Variants in OBI1 observed in about 807,000 individuals in gnomAD.
The protein encoded by OBI1 is ORC ubiquitin ligase 1, also known as ring finger protein 219.
A neutral mutation model predicts 62.4 loss-of-function variants in OBI1; 59 were observed. That is an observed-to-expected ratio of 0.95 (90% CI 0.77 to 1.17). The LOEUF (loss-of-function observed/expected upper bound fraction) is 1.17, where lower values mean the gene tolerates loss of function less well. Ranked by LOEUF, OBI1 falls within the 50% of genes most tolerant of loss-of-function variation. The pLI is 0.00. For missense variants in OBI1, 875 were observed against 830.9 expected (o/e 1.05, Z -0.65); for synonymous variants, 302 against 292.8 (o/e 1.03, Z -0.32).
At chr13:78,645,551 A>C (rs919390168) in intron 1 of OBI1, among the ~76,000 whole-genome samples, 5 of 152,192 alleles carry the variant, frequency 3.3e-5, no homozygotes, top group Non-Finnish European at 5.9e-5. Context: ...TTTATAATCT[A>C]AACAGCAAAC....
intron 1 of OBI1, among the ~76,000 whole-genome samples, chr13:78,657,434 T>C (rs1342717737): frequency 6.7e-6 from 1 of 148,700 alleles, no homozygotes; most frequent in Admixed American, 7.0e-5. Flanking sequence ...CAAATGATAG[T>C]ATAGAGGTTC....
Position 78,639,025 on chromosome 13 carries a change from T to C in OBI1, c.347A>G (p.Lys116Arg). The C allele has an allele frequency of 6.2e-7, 1 of 1,613,892 alleles. No individual in the cohort carries two copies. Among genetic ancestry groups the C allele is most frequent in the Non-Finnish European group, 8.5e-7 (1 of 1,179,878 alleles). Residue 116 changes from lysine to arginine, a missense_variant, in exon 4 of 6, where the codon AAA becomes AGA. Lys to Arg is a conservative substitution (Grantham distance 26, BLOSUM62 2). Coordinates refer to ENST00000282003, the MANE Select transcript of OBI1 (RefSeq NM_024546.4). ...LQKEVEELKSKNLSLESQIKT... is the reference protein window; with the variant it reads ...LQKEVEELKSRNLSLESQIKT... Reference sequence around the variant, plus strand: ...GATCTGTGACTCCAAGCTGAGATTTTTACTCTTAAGCTCTTCTACTTCTTT... The same window carrying C: ...GATCTGTGACTCCAAGCTGAGATTTCTACTCTTAAGCTCTTCTACTTCTTT...
Position 78,615,368 on chromosome 13 carries a change from C to G in OBI1, c.*212G>C. 2.5e-6 allele frequency: 1 copy of G among 395,934 alleles called. No homozygotes were observed. The highest frequency in any genetic ancestry group is 4.1e-5 in the Admixed American group (1 of 24,322). 24.5% of individuals were successfully genotyped at this position (395,934 alleles called of 1,614,324 possible). On this transcript the variant is annotated 3_prime_UTR_variant, in exon 6 of 6. Transcript: ENST00000282003. ...ACCTCCTCCCTAACTTCTCTGGTCA[C>G]AAAGACTCCCAAATAAAAATGAAAA...
intron 4 of OBI1, 135 bp downstream of exon 4, chr13:78,638,688 T>C (rs908652197): frequency 7.8e-5 from 61 of 785,490 alleles, no homozygotes; most frequent in Non-Finnish European, 1.1e-4. Context: ...TTATTGCATA[T>C]AAATGCTCAT....
At chr13:78,638,755 C>T (rs1382479084) in intron 4 of OBI1, 68 bp downstream of exon 4, 2 of 1,360,450 alleles carry the variant, frequency 1.5e-6, no homozygotes, top group Non-Finnish European at 2.0e-6. Flanking sequence ...GATAATATGG[C>T]TATTTATGCT....
intron 5 of OBI1, 149 bp downstream of exon 5, chr13:78,634,961 C>T (rs984006508): frequency 1.2e-5 from 6 of 498,668 alleles, no homozygotes; most frequent in Non-Finnish European, 2.1e-5. Context: ...ACCAACAACA[C>T]GAAGTATAAA....
At chr13:78,625,638 C>G (rs1875643532) in intron 5 of OBI1, among the ~76,000 whole-genome samples, 1 of 152,188 alleles carries the variant, frequency 6.6e-6, no homozygotes, top group Non-Finnish European at 1.5e-5. Flanking sequence ...GACAAACTGA[C>G]AGAAAACTGC....
chr13:78,646,991 G>C (rs1380567244), intron 1 of OBI1, among the ~76,000 whole-genome samples: 2 of 152,228 alleles, frequency 1.3e-5, no homozygotes, highest in African/African-American at 4.8e-5. Flanking sequence ...ATCTAGGGCT[G>C]TGCAGGATGT....
At chr13:78,658,737 T>C (rs918802969) in intron 1 of OBI1, among the ~76,000 whole-genome samples, 1 of 152,176 alleles carries the variant, frequency 6.6e-6, no homozygotes, top group Admixed American at 6.5e-5. Context: ...GATGCGTTTC[T>C]GATGGGGCCT....
Position 78,624,812 on chromosome 13 carries a change from ACC to A in OBI1, c.639-7692_639-7691del, listed in dbSNP as rs141974281. 4.3e-3 allele frequency among the ~76,000 whole-genome samples: 659 copies of A among 152,156 alleles called. 5 individuals carry two copies. The highest frequency in any genetic ancestry group is 0.015 in the African/African-American group (643 of 41,526). On this transcript the variant is annotated intron_variant, in intron 5 of 5. Coordinates refer to ENST00000282003, the MANE Select transcript of OBI1 (RefSeq NM_024546.4). Reference sequence around the variant, plus strand: ...ACTGTGTTCCATGCTGGCCAATTTCACCCTACTTGCTTCTGTGGCAATTGGAA... The same window carrying A: ...ACTGTGTTCCATGCTGGCCAATTTCACTACTTGCTTCTGTGGCAATTGGAA...
At position 78,642,724 on chromosome 13, in the gene OBI1, G is replaced by A. The variant is rs1876255786; in HGVS notation, c.209-511C>T. Among the ~76,000 whole-genome samples the A allele has an allele frequency of 2.6e-5, 4 of 152,138 alleles. No homozygotes were observed. In the South Asian group the frequency reaches 8.3e-4, roughly 32 times the overall value. The stretch of plus-strand genomic sequence containing the variant: ...GTGAAACCCTGTCTCTACTAAAAAT[G>A]CAAACAAACAAAATTAGCCGGGCGT... On this transcript the variant is annotated intron_variant, in intron 2 of 5. Transcript: ENST00000282003.
At position 78,649,016 on chromosome 13, in the gene OBI1, G is replaced by C. The variant is rs554626911; in HGVS notation, c.73-4019C>G. 2.5e-4 allele frequency among the ~76,000 whole-genome samples: 38 copies of C among 152,266 alleles called. 1 individual carries two copies. In the East Asian group the frequency reaches 7.3e-3, roughly 29 times the overall value. Reference sequence around the variant, plus strand: ...TGAAATGGTTTTGAGCAACTCAGTAGTTGGTGTTATCATATACTGAAGTGG... The same window carrying C: ...TGAAATGGTTTTGAGCAACTCAGTACTTGGTGTTATCATATACTGAAGTGG... On this transcript the variant is annotated intron_variant, in intron 1 of 5. Coordinates refer to ENST00000282003, the MANE Select transcript of OBI1 (RefSeq NM_024546.4).
At chr13:78,627,751 C>T (rs1415722543) in intron 5 of OBI1, among the ~76,000 whole-genome samples, 1 of 152,142 alleles carries the variant, frequency 6.6e-6, no homozygotes, top group Non-Finnish European at 1.5e-5. Flanking sequence ...AAGCATGTAT[C>T]TTTATAGAAG....
intron 2 of OBI1, among the ~76,000 whole-genome samples, chr13:78,643,213 G>A (rs1320956904): frequency 6.6e-6 from 1 of 152,134 alleles, no homozygotes; most frequent in Non-Finnish European, 1.5e-5. Context: ...AATGAATAAA[G>A]GTAGGATATG....
At chr13:78,625,771 C>G (rs193015821) in intron 5 of OBI1, among the ~76,000 whole-genome samples, 7 of 152,344 alleles carry the variant, frequency 4.6e-5, no homozygotes, top group Non-Finnish European at 8.8e-5. Context: ...CCCTGACAGT[C>G]TACAAGTTCC....
At position 78,635,214 on chromosome 13, in the gene OBI1, G is replaced by A. The variant is rs1875986491; in HGVS notation, c.550-16C>T. On this transcript the variant is annotated splice_polypyrimidine_tract_variant and intron_variant, in intron 4 of 5. Coordinates refer to ENST00000282003, the MANE Select transcript of OBI1 (RefSeq NM_024546.4). ...TTTTATTTGCCTAAAATAACAAATT[G>A]AAAATAAGTAAGCAAAAGCTACAAT... 4.8e-6 allele frequency: 7 copies of A among 1,455,370 alleles called. No homozygotes were observed. The highest frequency in any genetic ancestry group is 1.8e-5 in the Admixed American group (1 of 56,428). 90.2% of individuals were successfully genotyped at this position (1,455,370 alleles called of 1,614,324 possible).
chr13:78,620,264 C>T (rs995161730), intron 5 of OBI1, among the ~76,000 whole-genome samples: 2 of 152,148 alleles, frequency 1.3e-5, no homozygotes, highest in African/African-American at 4.8e-5. Context: ...GCTTATTTAT[C>T]TTTGGGTTTT....
intron 5 of OBI1, among the ~76,000 whole-genome samples, chr13:78,626,431 G>A (rs1875668229): frequency 6.6e-6 from 1 of 152,202 alleles, no homozygotes; most frequent in South Asian, 2.1e-4. Context: ...GGGTACGACA[G>A]TCATGGAAAT....
intron 5 of OBI1, among the ~76,000 whole-genome samples, chr13:78,619,781 T>A (rs1201060439): frequency 6.6e-6 from 1 of 152,222 alleles, no homozygotes; most frequent in Non-Finnish European, 1.5e-5. Flanking sequence ...ATTCCTGGTA[T>A]ACGGCACTTG....
Sources: gnomAD v4.1 joint callset for allele counts (sites outside exome capture counted in the v4.1 genomes callset) on GRCh38, gnomAD v4.1.1 for gene constraint, MANE v1.5 for transcripts, NCBI Gene and HGNC (gene_info 2026-07-23, HGNC 2026-07-21) for gene names.